MICAL3: variants seen among roughly 807,000 people sequenced by gnomAD.
MICAL3 encodes [F-actin]-monooxygenase MICAL3.
In MICAL3, 62 loss-of-function variants were observed where a neutral mutation model predicts 207.4. The observed-to-expected ratio is 0.30, with a 90% CI of 0.24 to 0.37. MICAL3 has a LOEUF of 0.37. Ranked by LOEUF, MICAL3 falls within the 10% of genes least tolerant of loss-of-function variation. MICAL3 has a pLI of 1.00. For missense variants in MICAL3, 2,368 were observed against 2,635.6 expected (o/e 0.90, Z 2.22); for synonymous variants, 1,077 against 1,069.3 (o/e 1.01, Z -0.14).
At chr22:17,873,367 C>T (rs1927926730) in intron 16 of MICAL3, among the ~76,000 whole-genome samples, 1 of 152,268 alleles carries the variant, frequency 6.6e-6, no homozygotes, top group Non-Finnish European at 1.5e-5. Flanking sequence ...TAGCGCACGT[C>T]GCCAGCTCTT....
intron 16 of MICAL3, among the ~76,000 whole-genome samples, chr22:17,878,315 C>T (rs1257912610): frequency 6.6e-6 from 1 of 152,218 alleles, no homozygotes. Flanking sequence ...AGGCTGGGCA[C>T]ACAGCGCCGT....
Position 17,899,253 on chromosome 22 carries a change from C to T in MICAL3, c.948+195G>A, listed in dbSNP as rs149706913. On this transcript the variant is annotated intron_variant, in intron 7 of 31. Coordinates refer to ENST00000441493, the MANE Select transcript of MICAL3 (RefSeq NM_015241.3). The stretch of plus-strand genomic sequence containing the variant: ...AGGGTTCATTACACTATTCTCCCCC[C>T]GTTTTTATTTACATTTGAAATTAGC... 8.7e-5 allele frequency: 58 copies of T among 663,346 alleles called. No individual in the cohort carries two copies. In the African/African-American group the frequency reaches 8.9e-4, roughly 10 times the overall value. The allele number at this position is 663,346 out of a possible 1,614,324, so 41.1% of individuals were successfully genotyped here.
At chr22:17,857,295 C>T (rs946768072) in intron 19 of MICAL3, among the ~76,000 whole-genome samples, 2 of 152,328 alleles carry the variant, frequency 1.3e-5, no homozygotes, top group Non-Finnish European at 2.9e-5. Flanking sequence ...GCACGAGATT[C>T]TCCCAGGAGC....
chr22:18,020,236 T>C (rs1025468716), intron 1 of MICAL3: 7 of 153,006 alleles, frequency 4.6e-5, no homozygotes, highest in Non-Finnish European at 1.0e-4. Flanking sequence ...ACTGGGAATA[T>C]CTTCCACCTG....
intron 22 of MICAL3, among the ~76,000 whole-genome samples, chr22:17,824,927 G>A (rs966022828): frequency 6.6e-6 from 1 of 152,216 alleles, no homozygotes; most frequent in East Asian, 1.9e-4. Context: ...AGGAACAAAC[G>A]CCCCGTTTGG....
Position 17,817,689 on chromosome 22 carries a change from A to G in MICAL3, c.4972T>C (p.Ser1658Pro). 1 of 1,605,198 alleles carries G rather than the reference A, an allele frequency of 6.2e-7. No individual in the cohort carries two copies. The highest frequency in any genetic ancestry group is 8.5e-7 in the Non-Finnish European group (1 of 1,176,814). ...TCATGCTTCAGGGTGGGCTCCTCGG[A>G]GCCCCTGAGAGTGGGGCGTGTGGGG... The part of the protein sequence containing the change: ...DSPTRPTLRG[S>P]EEPTLKHEAT... Residue 1658 changes from serine to proline, a missense_variant, in exon 26 of 32, where the codon TCC becomes CCC. By Grantham distance (74) the Ser-to-Pro change is moderately conservative. Around this residue, in one of 4 missense-constraint regions of MICAL3, gnomAD observed 1,770 missense variants for 1,863.2 expected, o/e 0.95. Transcript: ENST00000441493.
chr22:17,821,751 TC>T (rs1379161272), intron 24 of MICAL3, among the ~76,000 whole-genome samples: 3 of 152,202 alleles, frequency 2.0e-5, no homozygotes, highest in African/African-American at 7.2e-5. Flanking sequence ...GTGGGCTTCC[TC>T]CATGTGCAGA....
rs1921219065 is a variant in MICAL3 at position 17,818,388 on chromosome 22, T to G, written c.4273A>C (p.Ser1425Arg). ...AQEERRELSSSSGLGLHGSSS... is the reference protein window; with the variant it reads ...AQEERRELSSRSGLGLHGSSS... ...CTCCCGTGCAGGCCCAGGCCAGAGC[T>G]GCTGGACAGCTCCCTGCGCTCCTCC... is the stretch of plus-strand genomic sequence containing the variant. Residue 1425 changes from serine (S) to arginine (R), a missense_variant, in exon 26 of 32, where the codon AGC (serine) becomes CGC (arginine). Ser to Arg is a moderately radical substitution (Grantham distance 110). Coordinates refer to ENST00000441493, the MANE Select transcript of MICAL3 (RefSeq NM_015241.3). The G allele has an allele frequency of 6.2e-7, 1 of 1,609,930 alleles. No homozygotes were observed. The highest frequency in any genetic ancestry group is 8.5e-7 in the Non-Finnish European group (1 of 1,179,454).
chr22:17,866,545 G>A (rs989555379), intron 17 of MICAL3, among the ~76,000 whole-genome samples: 4 of 151,896 alleles, frequency 2.6e-5, no homozygotes, highest in Non-Finnish European at 4.4e-5. Flanking sequence ...AGCAGGAAAG[G>A]ACATTAGAAG....
chr22:17,941,463 A>T (rs1602258608), intron 1 of MICAL3, among the ~76,000 whole-genome samples: 1 of 152,016 alleles, frequency 6.6e-6, no homozygotes, highest in Non-Finnish European at 1.5e-5. Flanking sequence ...CTTGCAGGAG[A>T]CCCTGCCACT....
intron 1 of MICAL3, among the ~76,000 whole-genome samples, chr22:17,968,602 G>C (rs570820169): frequency 6.6e-6 from 1 of 152,246 alleles, no homozygotes; most frequent in African/African-American, 2.4e-5. Context: ...TGAAATGCCT[G>C]GGAGAGTGTC....
chr22:17,806,715 T>G (rs1171963955), intron 29 of MICAL3, among the ~76,000 whole-genome samples: 2 of 152,236 alleles, frequency 1.3e-5, no homozygotes, highest in Non-Finnish European at 2.9e-5. Context: ...TAATTCTTTT[T>G]GATTTTAAAC....
intron 1 of MICAL3, among the ~76,000 whole-genome samples, chr22:18,018,148 A>G (rs1158253595): frequency 6.6e-6 from 1 of 152,112 alleles, no homozygotes; most frequent in Non-Finnish European, 1.5e-5. Context: ...TGCTGGGATT[A>G]CAAGCGTGAG....
chr22:17,853,319 C>G, intron 19 of MICAL3, among the ~76,000 whole-genome samples: 1 of 152,188 alleles, frequency 6.6e-6, no homozygotes, highest in Non-Finnish European at 1.5e-5. Context: ...CTGCTGCAGC[C>G]TGGAGACAGC....
chr22:17,979,093 G>C (rs887675701), intron 1 of MICAL3, among the ~76,000 whole-genome samples: 3 of 151,930 alleles, frequency 2.0e-5, no homozygotes, highest in Non-Finnish European at 2.9e-5. Flanking sequence ...AGGATCACTA[G>C]AGCCCAGGAG....
intron 1 of MICAL3, among the ~76,000 whole-genome samples, chr22:17,954,365 A>G (rs544052519): frequency 6.6e-6 from 1 of 152,258 alleles, no homozygotes; most frequent in South Asian, 2.1e-4. Context: ...GGGTCAGTGC[A>G]TGAAAAATCA....
chr22:17,994,928 C>T (rs983271772), intron 1 of MICAL3, among the ~76,000 whole-genome samples: 4 of 152,122 alleles, frequency 2.6e-5, no homozygotes, highest in African/African-American at 9.7e-5. Context: ...AACAGATATA[C>T]AATTCAACAG....
At chr22:17,985,298 TG>T (rs67373226) in intron 1 of MICAL3, among the ~76,000 whole-genome samples, 7,890 of 152,154 alleles carry the variant, frequency 0.052, 388 homozygotes, top group African/African-American at 0.13. Flanking sequence ...GCCTCCCTGG[TG>T]GGCCGTGCTG....
rs540603968 is a variant in MICAL3, at chr22:17,793,104, C to T, written c.5651-1803G>A. On this transcript the variant is annotated intron_variant, in intron 29 of 31. Transcript: ENST00000441493. The surrounding 1 kb of genome is among the most constrained non-coding windows in gnomAD (Gnocchi z 4.1). Reference sequence around the variant, plus strand: ...TAGCTATGGAGAGCTCGCCCACGGCCGCCAGGCAGGGGCTGTGGTGTGTGA... The same window carrying T: ...TAGCTATGGAGAGCTCGCCCACGGCTGCCAGGCAGGGGCTGTGGTGTGTGA... Among the ~76,000 whole-genome samples, 1 of 152,294 alleles carries T rather than the reference C, an allele frequency of 6.6e-6. No individual in the cohort carries two copies. The highest frequency in any genetic ancestry group is 1.5e-5 in the Non-Finnish European group (1 of 68,014).
Sources: gnomAD v4.1 joint callset for allele counts (sites outside exome capture counted in the v4.1 genomes callset) on GRCh38, gnomAD v4.1.1 for gene constraint, gnomAD v4.1.1 regional missense constraint, Gnocchi (gnomAD v3.1) non-coding constraint, MANE v1.5 for transcripts, NCBI Gene and HGNC (gene_info 2026-07-23, HGNC 2026-07-21) for gene names.